The following KATNIP variants were observed in gnomAD, a reference collection of about 807,000 sequenced individuals.
KATNIP encodes the protein katanin-interacting protein.
A neutral mutation model predicts 174.0 loss-of-function variants in KATNIP; 126 were observed. That is an observed-to-expected ratio of 0.72 (90% CI 0.63 to 0.84). The LOEUF is 0.84. Among genes scored for constraint, KATNIP ranks in the 40% least tolerant of loss-of-function variants. The probability of loss-of-function intolerance (pLI) is 0.00; values close to 1 mark genes in which losing one functional copy is unlikely to be tolerated. For missense variants in KATNIP, 1,958 were observed against 2,109.7 expected (o/e 0.93, Z 1.41); for synonymous variants, 810 against 835.7 (o/e 0.97, Z 0.53).
intron 6 of KATNIP, among the ~76,000 whole-genome samples, chr16:27,676,784 C>T (rs2078133761): frequency 6.6e-6 from 1 of 152,130 alleles, no homozygotes; most frequent in African/African-American, 2.4e-5. Flanking sequence ...ATCCTCCCAC[C>T]TCAACCTCCC....
chr16:27,711,132 G>T (rs940449240), intron 13 of KATNIP, among the ~76,000 whole-genome samples: 3 of 152,182 alleles, frequency 2.0e-5, no homozygotes, highest in East Asian at 3.9e-4. Context: ...TCACTGCCAC[G>T]CAGGCCAGGA....
intron 2 of KATNIP, among the ~76,000 whole-genome samples, chr16:27,613,834 C>T (rs74351861): frequency 0.014 from 2,188 of 152,308 alleles, 18 homozygotes; most frequent in Non-Finnish European, 0.024. Context: ...CAGGATGAGG[C>T]AGGACTCAGG....
chr16:27,561,195 T>G (rs2089868627), intron 1 of KATNIP, among the ~76,000 whole-genome samples: 1 of 151,510 alleles, frequency 6.6e-6, no homozygotes, highest in South Asian at 2.1e-4. Flanking sequence ...TATTTTTTTT[T>G]TTTTTTCAGT....
intron 23 of KATNIP, among the ~76,000 whole-genome samples, chr16:27,774,217 C>T (rs1313166413): frequency 6.6e-6 from 1 of 152,150 alleles, no homozygotes; most frequent in Non-Finnish European, 1.5e-5. Flanking sequence ...TCTGCCTTCC[C>T]CTGGTGCCAC....
Position 27,749,593 on chromosome 16 carries a change from G to T in KATNIP, c.2633G>T (p.Trp878Leu). ...GTGTCCTTTCTTCCAGAAGACACCT[G>T]GTCTTCCAGGACGCCGTCACGGTCA... ...DDQPASREDT[W>L]SSRTPSRSRW... The change falls in exon 16 of 28, where the codon TGG becomes TTG. Residue 878 changes from tryptophan to leucine, a missense_variant. Coordinates refer to ENST00000261588, the MANE Select transcript of KATNIP (RefSeq NM_015202.5). The T allele has an allele frequency of 6.5e-7, 1 of 1,529,334 alleles. No homozygotes were observed. The highest frequency in any genetic ancestry group is 8.8e-7 in the Non-Finnish European group (1 of 1,139,490). 94.7% of individuals were successfully genotyped at this position (1,529,334 alleles called of 1,614,324 possible).
intron 14 of KATNIP, among the ~76,000 whole-genome samples, chr16:27,736,349 G>T (rs568733613): frequency 6.6e-6 from 1 of 152,332 alleles, no homozygotes; most frequent in East Asian, 1.9e-4. Context: ...GACAAGACGG[G>T]CAGGGCTTCA....
Position 27,754,249 on chromosome 16 carries a change from T to C in KATNIP, c.3629T>C (p.Ile1210Thr). 6.2e-7 allele frequency: 1 copy of C among 1,613,590 alleles called. No homozygotes were observed. Among genetic ancestry groups the C allele is most frequent in the South Asian group, 1.1e-5 (1 of 91,074 alleles). The stretch of plus-strand genomic sequence containing the variant: ...CCAGAGCCAGGCATCTACCACGGAA[T>C]CTGTGAGTAGCTCTCCTGGAGCAGT... The part of the protein sequence containing the change: ...TTPEPGIYHG[I>T]CLQLNFTASW... Residue 1210 changes from isoleucine to threonine, a missense_variant and splice_region_variant, in exon 18 of 28, where the codon ATC becomes ACC. Coordinates refer to ENST00000261588, the MANE Select transcript of KATNIP (RefSeq NM_015202.5).
At chr16:27,655,089 A>T (rs1431608100) in intron 6 of KATNIP, among the ~76,000 whole-genome samples, 1 of 150,232 alleles carries the variant, frequency 6.7e-6, no homozygotes, top group Non-Finnish European at 1.5e-5. Context: ...TGATTGTGCT[A>T]CTGCATGTCT....
At chr16:27,562,195 T>C (rs2089910315) in intron 1 of KATNIP, among the ~76,000 whole-genome samples, 1 of 152,084 alleles carries the variant, frequency 6.6e-6, no homozygotes, top group Non-Finnish European at 1.5e-5. Context: ...TAGTCCCAGC[T>C]CCTTGGGAGG....
chr16:27,616,238 G>C (rs975542523), intron 2 of KATNIP, among the ~76,000 whole-genome samples: 2 of 152,148 alleles, frequency 1.3e-5, no homozygotes, highest in Admixed American at 6.5e-5. Flanking sequence ...TGGGTGTGGT[G>C]GCACAAACCT....
intron 19 of KATNIP, among the ~76,000 whole-genome samples, chr16:27,763,441 T>TA (rs35206356): frequency 0.13 from 8,979 of 68,138 alleles, 1,302 homozygotes; most frequent in African/African-American, 0.23. Context: ...ATTGTGTCTC[T>TA]AAAAAAAAAA....
chr16:27,633,457 A>T (rs976645421), intron 5 of KATNIP, among the ~76,000 whole-genome samples: 4 of 148,972 alleles, frequency 2.7e-5, no homozygotes, highest in Non-Finnish European at 4.5e-5. Context: ...ATTTTTATAT[A>T]TTTTTTATTT....
intron 14 of KATNIP, among the ~76,000 whole-genome samples, chr16:27,736,351 A>C (rs1261255887): frequency 3.3e-5 from 5 of 152,250 alleles, no homozygotes; most frequent in Non-Finnish European, 7.3e-5. Context: ...CAAGACGGGC[A>C]GGGCTTCAGC....
intron 13 of KATNIP, 126 bp downstream of exon 13, chr16:27,709,046 C>T: frequency 2.8e-6 from 2 of 701,858 alleles, no homozygotes; most frequent in Non-Finnish European, 4.7e-6. Context: ...TGGCCAGGTA[C>T]AGAGGCTCAC....
chr16:27,759,366 C>G (rs2081864844), intron 18 of KATNIP, among the ~76,000 whole-genome samples: 1 of 152,188 alleles, frequency 6.6e-6, no homozygotes, highest in Non-Finnish European at 1.5e-5. Flanking sequence ...TAGGGAAGGC[C>G]TCTCAGGAAA....
intron 2 of KATNIP, among the ~76,000 whole-genome samples, chr16:27,598,582 G>T (rs1328789623): frequency 6.6e-6 from 1 of 152,128 alleles, no homozygotes; most frequent in East Asian, 1.9e-4. Context: ...TGGGGATTCG[G>T]GTCTGGCCTG....
intron 2 of KATNIP, among the ~76,000 whole-genome samples, chr16:27,581,082 G>A (rs534834859): frequency 3.9e-5 from 6 of 152,076 alleles, no homozygotes; most frequent in Non-Finnish European, 7.4e-5. Flanking sequence ...TATATATAAT[G>A]TATGTGTACA....
At chr16:27,628,864 C>T in intron 4 of KATNIP, 34 bp downstream of exon 4, 1 of 1,608,094 alleles carries the variant, frequency 6.2e-7, no homozygotes, top group Non-Finnish European at 8.5e-7. Flanking sequence ...AGTCTCAGCT[C>T]TGTTAATCAA....
chr16:27,578,718 C>T (rs748435149), intron 2 of KATNIP, among the ~76,000 whole-genome samples: 6 of 152,126 alleles, frequency 3.9e-5, no homozygotes, highest in African/African-American at 9.7e-5. Flanking sequence ...GGTGAGATTA[C>T]GGGTGTGTCC....
Sources: gnomAD v4.1 joint callset for allele counts (sites outside exome capture counted in the v4.1 genomes callset) on GRCh38, gnomAD v4.1.1 for gene constraint, MANE v1.5 for transcripts, NCBI Gene and HGNC (gene_info 2026-07-23, HGNC 2026-07-21) for gene names.